NALCN: variants seen among roughly 807,000 people sequenced by gnomAD.
NALCN encodes the protein sodium leak channel NALCN.
Under a neutral mutation model 225.3 loss-of-function variants are expected in NALCN, and 111 were observed. The ratio of observed to expected loss-of-function variants is 0.49; its 90% confidence interval spans 0.42 to 0.58. The LOEUF is 0.58. Ranked by LOEUF, NALCN falls within the 20% of genes least tolerant of loss-of-function variation. The pLI is 0.00. For synonymous variants in NALCN, 764 were observed against 769.0 expected (o/e 0.99, Z 0.11); for missense variants, 1,378 against 2,202.4 (o/e 0.63, Z 7.49).
chr13:101,300,363 T>C lies in NALCN; in HGVS notation c.800-7997A>G, dbSNP rs367814556. Among the ~76,000 whole-genome samples the C allele has an allele frequency of 1.7e-3, 33 of 19,904 alleles. No individual in the cohort carries two copies. In the South Asian group the frequency reaches 0.033, roughly 20 times the overall value. The allele number at this position is 19,904 out of a possible 152,430, so 13.1% of individuals were successfully genotyped here. A position where few individuals can be genotyped will look rare whatever the true frequency, so the allele number is the denominator to read the frequency against. The stretch of plus-strand genomic sequence containing the variant: ...TCTTTTTCTTTTTCTTCTTTCTTTC[T>C]TTCTTTCCTTCCTTCCTTCCTTCCT... On this transcript the variant is annotated intron_variant, in intron 7 of 43. Transcript: ENST00000251127.
At chr13:101,397,093 T>G (rs1034550013) in intron 2 of NALCN, among the ~76,000 whole-genome samples, 1 of 61,640 alleles carries the variant, frequency 1.6e-5, no homozygotes, top group Non-Finnish European at 2.5e-5. Flanking sequence ...TATATATATA[T>G]ATATATATAT....
intron 15 of NALCN, among the ~76,000 whole-genome samples, chr13:101,149,741 G>A (rs1450790538): frequency 6.6e-6 from 1 of 152,228 alleles, no homozygotes; most frequent in Non-Finnish European, 1.5e-5. Context: ...CTTGAAGGGT[G>A]AGTATTTTGA....
chr13:101,377,863 T>C (rs188701273), intron 4 of NALCN, among the ~76,000 whole-genome samples: 2 of 152,194 alleles, frequency 1.3e-5, no homozygotes, highest in African/African-American at 2.4e-5. Flanking sequence ...TATAGTAACT[T>C]TAGTTGAATT....
intron 16 of NALCN, among the ~76,000 whole-genome samples, chr13:101,144,496 C>A (rs1331130646): frequency 6.6e-6 from 1 of 152,190 alleles, no homozygotes; most frequent in Non-Finnish European, 1.5e-5. Flanking sequence ...GAGGAGTCAT[C>A]CCAGAGAGAA....
chr13:101,337,317 TTTA>T (rs2045412629), intron 7 of NALCN, among the ~76,000 whole-genome samples: 3 of 149,198 alleles, frequency 2.0e-5, no homozygotes, highest in Non-Finnish European at 2.9e-5. Context: ...TATTTATTTA[TTTA>T]TTTTTTGAGA....
intron 18 of NALCN, among the ~76,000 whole-genome samples, chr13:101,115,605 T>C (rs932532320): frequency 6.6e-6 from 1 of 152,214 alleles, no homozygotes; most frequent in Admixed American, 6.5e-5. Context: ...CATTTTGTTA[T>C]ATTTTGCCAC....
intron 26 of NALCN, 117 bp downstream of exon 26, chr13:101,103,055 T>C (rs2034908239): frequency 1.6e-6 from 2 of 1,265,630 alleles, no homozygotes; most frequent in African/African-American, 3.0e-5. Flanking sequence ...TCCATTACCC[T>C]CTGGCAATAA....
intron 15 of NALCN, among the ~76,000 whole-genome samples, chr13:101,161,840 C>T (rs2038201119): frequency 6.6e-6 from 1 of 152,184 alleles, no homozygotes; most frequent in South Asian, 2.1e-4. Flanking sequence ...CCACTGCACT[C>T]CAGCCTGGGT....
At chr13:101,402,796 C>A (rs139800297) in intron 1 of NALCN, among the ~76,000 whole-genome samples, 1 of 152,156 alleles carries the variant, frequency 6.6e-6, no homozygotes, top group Non-Finnish European at 1.5e-5. Context: ...CCTGAGAGAG[C>A]GACATGAGCC....
intron 10 of NALCN, among the ~76,000 whole-genome samples, chr13:101,282,082 T>C (rs1566527035): frequency 6.6e-6 from 1 of 152,204 alleles, no homozygotes; most frequent in Non-Finnish European, 1.5e-5. Flanking sequence ...AGAGCCATTC[T>C]GAAACGCAGT....
chr13:101,291,856 T>C, intron 9 of NALCN, 134 bp downstream of exon 9: 1 of 871,550 alleles, frequency 1.1e-6, no homozygotes, highest in Non-Finnish European at 1.8e-6. Context: ...GACTGGCAAC[T>C]GTATTTTTAA....
At chr13:101,404,490 G>C (rs1283951183) in intron 1 of NALCN, among the ~76,000 whole-genome samples, 1 of 152,116 alleles carries the variant, frequency 6.6e-6, no homozygotes, top group Non-Finnish European at 1.5e-5. Context: ...TCCACTTCTA[G>C]AGACTCAATC....
At chr13:101,222,954 G>A (rs1474280004) in intron 13 of NALCN, among the ~76,000 whole-genome samples, 1 of 152,106 alleles carries the variant, frequency 6.6e-6, no homozygotes, top group Non-Finnish European at 1.5e-5. Flanking sequence ...GGCAAAACAT[G>A]TCTCAACCAA....
chr13:101,209,553 A>G (rs979314745), intron 13 of NALCN, among the ~76,000 whole-genome samples: 1 of 152,124 alleles, frequency 6.6e-6, no homozygotes, highest in African/African-American at 2.4e-5. Flanking sequence ...CCTGGATATA[A>G]TTATTGCCGG....
rs753283222 is a variant in NALCN, at chr13:101,111,139, G to T, written c.2280C>A (p.Ile760=). The stretch of plus-strand genomic sequence containing the variant: ...CAAGTATTTACCTGCGCTCTTGGCG[G>T]ATATGATGCTGCACGCTGAGGATTG... ...ERSILSVQHH[I]RQERRSLRHG... is the part of the protein sequence containing the mutation. The change falls in exon 19 of 44, where the codon ATC becomes ATA. Residue 760 remains isoleucine, a synonymous_variant. Coordinates refer to ENST00000251127, the MANE Select transcript of NALCN (RefSeq NM_052867.4). 3 of 1,606,506 alleles carry T rather than the reference G, an allele frequency of 1.9e-6. No homozygotes were observed. The highest frequency in any genetic ancestry group is 2.2e-5 in the South Asian group (2 of 90,596).
At chr13:101,208,032 G>A (rs921908419) in intron 13 of NALCN, among the ~76,000 whole-genome samples, 3 of 146,572 alleles carry the variant, frequency 2.0e-5, no homozygotes, top group Admixed American at 6.8e-5. Flanking sequence ...GGTCTGCAGC[G>A]TCACTCCTGA....
intron 10 of NALCN, among the ~76,000 whole-genome samples, chr13:101,261,997 T>C (rs761503563): frequency 1.3e-5 from 2 of 152,182 alleles, no homozygotes; most frequent in Non-Finnish European, 2.9e-5. Flanking sequence ...ATATATAGCT[T>C]TTATTATGTT....
At chr13:101,348,007 T>C (rs1262585214) in intron 6 of NALCN, among the ~76,000 whole-genome samples, 2 of 152,192 alleles carry the variant, frequency 1.3e-5, no homozygotes, top group Non-Finnish European at 2.9e-5. Context: ...AGATACTATA[T>C]GGATCACCTA....
intron 38 of NALCN, 132 bp from the exon 39 acceptor site, chr13:101,068,165 A>G (rs1175566850): frequency 6.4e-6 from 4 of 623,286 alleles, no homozygotes; most frequent in Non-Finnish European, 1.1e-5. Context: ...AAGTGCTTTT[A>G]GTATGGTTTC....
Sources: gnomAD v4.1 joint callset for allele counts (sites outside exome capture counted in the v4.1 genomes callset) on GRCh38, gnomAD v4.1.1 for gene constraint, MANE v1.5 for transcripts, NCBI Gene and HGNC (gene_info 2026-07-23, HGNC 2026-07-21) for gene names.